The following CLTC variants were observed in gnomAD, a reference collection of about 807,000 sequenced individuals.
CLTC encodes the protein clathrin heavy chain, also known as clathrin heavy chain 1.
A neutral mutation model predicts 195.8 loss-of-function variants in CLTC; 16 were observed. That is an observed-to-expected ratio of 0.08 (90% CI 0.06 to 0.12). CLTC has a LOEUF of 0.12. Ranked by LOEUF, CLTC falls within the 10% of genes least tolerant of loss-of-function variation. The pLI is 1.00. For synonymous variants in CLTC, 667 were observed against 689.4 expected (o/e 0.97, Z 0.51); for missense variants, 796 against 2,027.0 (o/e 0.39, Z 11.66).
Position 59,655,898 on chromosome 17 carries a change from T to A in CLTC, c.840T>A (p.Gly280=), listed in dbSNP as rs2032454299. The A allele has an allele frequency of 6.2e-7, 1 of 1,609,070 alleles. No homozygotes were observed. The change falls in exon 6 of 32, where the codon GGT becomes GGA. Residue 280 remains glycine (G), a synonymous_variant. Coordinates refer to ENST00000269122, the MANE Select transcript of CLTC (RefSeq NM_004859.4). ...TGGTGTTCTTGATAACCAAGTATGG[T>A]TATATCCACCTCTATGATCTTGAGA... is the stretch of plus-strand genomic sequence containing the variant. ...HDVVFLITKY[G]YIHLYDLETG...
At chr17:59,643,949 A>G (rs377030473) in intron 1 of CLTC, among the ~76,000 whole-genome samples, 8 of 152,182 alleles carry the variant, frequency 5.3e-5, no homozygotes, top group South Asian at 2.1e-4. Flanking sequence ...GACTGGTCCA[A>G]TAGTTCCAAG....
At chr17:59,632,807 A>G (rs778859663) in intron 1 of CLTC, among the ~76,000 whole-genome samples, 7 of 152,226 alleles carry the variant, frequency 4.6e-5, no homozygotes, top group Non-Finnish European at 1.0e-4. Flanking sequence ...TTTAGAAGAC[A>G]TGAATCACAA....
intron 6 of CLTC, 109 bp from the exon 7 acceptor site, chr17:59,660,282 C>A: frequency 1.1e-6 from 1 of 916,676 alleles, no homozygotes; most frequent in South Asian, 1.7e-5. Flanking sequence ...AAACAGCTGT[C>A]ACAATTTCAT....
rs762072071 is a variant in CLTC, at chr17:59,693,812, C to T, written c.4988C>T (p.Pro1663Leu). ...TTTGGTTATGGTTATACCGCACCAC[C>T]GTATGGACAGCCACAGCCTGGCTTT... is the stretch of plus-strand genomic sequence containing the variant. ...APFGYGYTAP[P>L]YGQPQPGFGY... Residue 1663 changes from proline (P) to leucine (L), a missense_variant, in exon 32 of 32, where the codon CCG becomes CTG. This residue lies in a region of CLTC where 148 missense variants were observed against 279.5 expected (regional missense o/e 0.53). Transcript: ENST00000269122. 5 of 1,613,382 alleles carry T rather than the reference C, an allele frequency of 3.1e-6. No homozygotes were observed. The highest frequency in any genetic ancestry group is 1.1e-5 in the South Asian group (1 of 91,014).
At chr17:59,677,417 T>C (rs896330589) in intron 17 of CLTC, among the ~76,000 whole-genome samples, 13 of 152,104 alleles carry the variant, frequency 8.5e-5, no homozygotes, top group Non-Finnish European at 1.3e-4. Flanking sequence ...AGCCTTACCA[T>C]TTGTGTTCTC....
At chr17:59,657,391 C>T (rs1255765893) in intron 6 of CLTC, among the ~76,000 whole-genome samples, 1 of 152,182 alleles carries the variant, frequency 6.6e-6, no homozygotes, top group Non-Finnish European at 1.5e-5. Flanking sequence ...ATATTTCTAG[C>T]ACCAGTCAGT....
intron 6 of CLTC, among the ~76,000 whole-genome samples, chr17:59,657,406 G>C (rs759452874): frequency 7.2e-5 from 11 of 152,138 alleles, no homozygotes; most frequent in Non-Finnish European, 1.3e-4. Context: ...GTCAGTGTCT[G>C]GGACAAAAGC....
chr17:59,655,647 A>T (rs1463350602), intron 5 of CLTC, among the ~76,000 whole-genome samples: 2 of 152,220 alleles, frequency 1.3e-5, no homozygotes, highest in African/African-American at 4.8e-5. Flanking sequence ...CTTTCCTCTT[A>T]TCAGTTTCAT....
chr17:59,630,257 C>T (rs902928767), intron 1 of CLTC, among the ~76,000 whole-genome samples: 1 of 152,188 alleles, frequency 6.6e-6, no homozygotes, highest in Non-Finnish European at 1.5e-5. Context: ...CTGCCTCGGC[C>T]TCCCAAAGTG....
chr17:59,667,001 TAAA>T (rs777855095), intron 13 of CLTC, 24 bp downstream of exon 13: 4 of 1,574,932 alleles, frequency 2.5e-6, no homozygotes, highest in Non-Finnish European at 3.5e-6. Flanking sequence ...TTTGAGTTTT[TAAA>T]AAAAGTACTT....
intron 1 of CLTC, among the ~76,000 whole-genome samples, chr17:59,635,156 T>A (rs1238989132): frequency 6.6e-6 from 1 of 151,652 alleles, no homozygotes; most frequent in African/African-American, 2.4e-5. Context: ...ACAAGATTCA[T>A]TTGCAGAAAA....
At position 59,682,136 on chromosome 17, in the gene CLTC, G is replaced by A; in HGVS notation, c.3443-135G>A. ...ATTTGGTCCGTGATAATACAGAAGT[G>A]AAATATTGCACGGTTTACATTTGTC... On this transcript the variant is annotated intron_variant, in intron 21 of 31. Transcript: ENST00000269122. This position sits in a 1 kb window ranked among gnomAD's most constrained non-coding sequence, Gnocchi z 6.8. 1.2e-6 allele frequency: 1 copy of A among 848,308 alleles called. No individual in the cohort carries two copies. Among genetic ancestry groups the A allele is most frequent in the South Asian group, 1.9e-5 (1 of 53,202 alleles). 52.5% of individuals were successfully genotyped at this position (848,308 alleles called of 1,614,324 possible).
In CLTC at chr17:59,682,494, A is replaced by T. The variant is rs1310233192; in HGVS notation, c.3600+66A>T. The stretch of plus-strand genomic sequence containing the variant: ...ACTTGATTAGCTTGGTAGGATCAAA[A>T]CATCATAACTGAAGAATTCCAAGGA... On this transcript the variant is annotated intron_variant, in intron 22 of 31. Transcript: ENST00000269122. This position sits in a 1 kb window ranked among gnomAD's most constrained non-coding sequence, Gnocchi z 6.8. 6.3e-7 allele frequency: 1 copy of T among 1,591,588 alleles called. No homozygotes were observed. Among genetic ancestry groups the T allele is most frequent in the Non-Finnish European group, 8.6e-7 (1 of 1,166,524 alleles).
At chr17:59,663,025 A>G (rs2032645175) in intron 8 of CLTC, among the ~76,000 whole-genome samples, 1 of 152,216 alleles carries the variant, frequency 6.6e-6, no homozygotes, top group South Asian at 2.1e-4. Flanking sequence ...TTCTGTGAAC[A>G]GTCATATGGG....
Position 59,694,000 on chromosome 17 carries a change from G to T in CLTC, c.*148G>T. On this transcript the variant is annotated 3_prime_UTR_variant, in exon 32 of 32. Coordinates refer to ENST00000269122, the MANE Select transcript of CLTC (RefSeq NM_004859.4). The stretch of plus-strand genomic sequence containing the variant: ...TCTTTTTGTTTCTAACTATAAACTT[G>T]GATCACCTATGTTAAAACCTTATTT... 1 of 778,066 alleles carries T rather than the reference G, an allele frequency of 1.3e-6. No homozygotes were observed. The highest frequency in any genetic ancestry group is 3.1e-5 in the East Asian group (1 of 32,018). The allele number at this position is 778,066 out of a possible 1,614,324, so 48.2% of individuals were successfully genotyped here. A position where few individuals can be genotyped will look rare whatever the true frequency, so the allele number is the denominator to read the frequency against.
chr17:59,661,223 C>T (rs1485005557), intron 7 of CLTC, among the ~76,000 whole-genome samples: 1 of 150,616 alleles, frequency 6.6e-6, no homozygotes, highest in Non-Finnish European at 1.5e-5. Context: ...TAACATTGAA[C>T]CAGGGGTATG....
chr17:59,694,087 T>G lies in CLTC; in HGVS notation c.*235T>G, dbSNP rs1277219608. The G allele has an allele frequency of 5.9e-6, 2 of 339,268 alleles. No individual in the cohort carries two copies. Among genetic ancestry groups the G allele is most frequent in the Non-Finnish European group, 1.0e-5 (2 of 191,574 alleles). 21.0% of individuals were successfully genotyped at this position (339,268 alleles called of 1,614,324 possible). A position where few individuals can be genotyped will look rare whatever the true frequency, so the allele number is the denominator to read the frequency against. ...GGAATAGTTTCAATGTTTTATTCAC[T>G]TGGGCTTTTTTTCTTCCCCCTCTTT... On this transcript the variant is annotated 3_prime_UTR_variant, in exon 32 of 32. Transcript: ENST00000269122.
chr17:59,669,099 GT>G (rs1375165730), intron 14 of CLTC, among the ~76,000 whole-genome samples, 159 bp downstream of exon 14: 1 of 151,960 alleles, frequency 6.6e-6, no homozygotes, highest in Non-Finnish European at 1.5e-5. Context: ...ATATTCTGTG[GT>G]TTCCTTTGAA....
intron 31 of CLTC, among the ~76,000 whole-genome samples, chr17:59,692,918 G>C (rs1183833480): frequency 6.6e-6 from 1 of 152,094 alleles, no homozygotes; most frequent in Non-Finnish European, 1.5e-5. Flanking sequence ...GATTACAGGC[G>C]TGAGCCACCG....
Sources: gnomAD v4.1 joint callset for allele counts (sites outside exome capture counted in the v4.1 genomes callset) on GRCh38, gnomAD v4.1.1 for gene constraint, gnomAD v4.1.1 regional missense constraint, Gnocchi (gnomAD v3.1) non-coding constraint, MANE v1.5 for transcripts, NCBI Gene and HGNC (gene_info 2026-07-23, HGNC 2026-07-21) for gene names.